ABHD5: variants seen among roughly 807,000 people sequenced by gnomAD.
ABHD5 encodes 1-acylglycerol-3-phosphate O-acyltransferase ABHD5.
A neutral mutation model predicts 44.9 loss-of-function variants in ABHD5; 30 were observed. That is an observed-to-expected ratio of 0.67 (90% CI 0.50 to 0.91). ABHD5 has a LOEUF of 0.91. ABHD5 is among the 40% of genes least tolerant of loss of function. The pLI, the probability that ABHD5 is intolerant of heterozygous loss-of-function variation, is 0.00. For missense variants in ABHD5, 399 were observed against 423.4 expected (o/e 0.94, Z 0.50); for synonymous variants, 167 against 147.0 (o/e 1.14, Z -0.99).
At position 43,717,949 on chromosome 3, in the gene ABHD5, C is replaced by T. The variant is rs146571862; in HGVS notation, c.960+92C>T. 2.8e-4 allele frequency: 437 copies of T among 1,537,084 alleles called. 1 individual carries two copies. In the African/African-American group the frequency reaches 5.3e-3, roughly 19 times the overall value. On this transcript the variant is annotated intron_variant, in intron 6 of 6. Transcript: ENST00000644371. ...GAGGTTTTAGGTCATCCTCGTGTTG[C>T]AGGTCATCTGAGCCATACCTGCAGC...
intron 1 of ABHD5, among the ~76,000 whole-genome samples, chr3:43,691,873 AAC>A (rs1294622038): frequency 6.6e-6 from 1 of 152,184 alleles, no homozygotes; most frequent in Non-Finnish European, 1.5e-5. Context: ...GCCTTAGAAG[AAC>A]ACACATAATG....
At chr3:43,695,832 A>G (rs2084467112) in intron 1 of ABHD5, among the ~76,000 whole-genome samples, 1 of 152,226 alleles carries the variant, frequency 6.6e-6, no homozygotes, top group African/African-American at 2.4e-5. Context: ...CTTAGGTAAA[A>G]TATACTCTAT....
intron 3 of ABHD5, among the ~76,000 whole-genome samples, chr3:43,705,941 A>T (rs1352906238): frequency 6.6e-6 from 1 of 152,158 alleles, no homozygotes; most frequent in African/African-American, 2.4e-5. Context: ...TACATAGATG[A>T]TCTGATAGTT....
At chr3:43,724,877 A>G (rs191986477), downstream of ABHD5, among the ~76,000 whole-genome samples, 77 of 152,294 alleles carry the variant, frequency 5.1e-4, no homozygotes, top group Non-Finnish European at 7.2e-4. Context: ...GAGAAGGACA[A>G]TTCTTCCTGT....
chr3:43,725,495 T>C (rs2084871445), downstream of ABHD5, among the ~76,000 whole-genome samples: 1 of 152,268 alleles, frequency 6.6e-6, no homozygotes, highest in Non-Finnish European at 1.5e-5. Context: ...AGGAATGTTA[T>C]TCTACCATGT....
chr3:43,690,904 C>G (rs541675995), upstream of ABHD5: 4 of 1,408,350 alleles, frequency 2.8e-6, no homozygotes, highest in East Asian at 1.2e-4. Flanking sequence ...GCGGCCTGCG[C>G]CGCCTTAAGT....
chr3:43,693,139 AT>A (rs1559408180), intron 1 of ABHD5, among the ~76,000 whole-genome samples: 1 of 152,172 alleles, frequency 6.6e-6, no homozygotes, highest in African/African-American at 2.4e-5. Context: ...TTTAGTGTCA[AT>A]TGAGTTGAGA....
At chr3:43,710,720 A>C (rs2149601803) in intron 3 of ABHD5, among the ~76,000 whole-genome samples, 1 of 152,344 alleles carries the variant, frequency 6.6e-6, no homozygotes, top group Non-Finnish European at 1.5e-5. Context: ...TTTCTGTTTC[A>C]GTTATAACTT....
chr3:43,711,700 C>A lies in ABHD5; in HGVS notation c.507-9C>A. 1 of 1,613,874 alleles carries A rather than the reference C, an allele frequency of 6.2e-7. No homozygotes were observed. Among genetic ancestry groups the A allele is most frequent in the South Asian group, 1.1e-5 (1 of 91,078 alleles). The stretch of plus-strand genomic sequence containing the variant: ...CAAATGAACTTAAATATATTCTTTC[C>A]CCCAACAGGGTTAATCATCTCATTT... On this transcript the variant is annotated splice_polypyrimidine_tract_variant and intron_variant, in intron 3 of 6. Transcript: ENST00000644371.
intron 3 of ABHD5, among the ~76,000 whole-genome samples, chr3:43,704,320 T>C (rs2084588368): frequency 6.6e-6 from 1 of 152,206 alleles, no homozygotes; most frequent in African/African-American, 2.4e-5. Context: ...ATTACAGGCA[T>C]GAGCCACCGC....
intron 7 of ABHD5, among the ~76,000 whole-genome samples, chr3:43,729,269 A>T (rs1295538029): frequency 6.6e-6 from 1 of 152,228 alleles, no homozygotes; most frequent in Non-Finnish European, 1.5e-5. Context: ...GGATGATTGG[A>T]GGACAACATC....
chr3:43,700,707 G>A (rs1299381068), intron 2 of ABHD5, among the ~76,000 whole-genome samples: 1 of 151,808 alleles, frequency 6.6e-6, no homozygotes, highest in African/African-American at 2.4e-5. Flanking sequence ...CCAAGTAGCT[G>A]GGATTACAGG....
chr3:43,717,192 CA>C (rs373935327), intron 5 of ABHD5, among the ~76,000 whole-genome samples: 3,971 of 123,116 alleles, frequency 0.032, 96 homozygotes, highest in African/African-American at 0.09. Flanking sequence ...ACAAAAAAAA[CA>C]AAAAAAAAAA....
chr3:43,730,902 CA>C (rs1455144742), intron 7 of ABHD5, among the ~76,000 whole-genome samples: 1 of 151,952 alleles, frequency 6.6e-6, no homozygotes, highest in Non-Finnish European at 1.5e-5. Flanking sequence ...AATCTTGGGT[CA>C]CTGCAACCTC....
chr3:43,694,592 CTA>C (rs2084447112), intron 1 of ABHD5, among the ~76,000 whole-genome samples: 1 of 151,926 alleles, frequency 6.6e-6, no homozygotes, highest in Non-Finnish European at 1.5e-5. Flanking sequence ...ATAAGTGACT[CTA>C]AAATGGTTTG....
intron 1 of ABHD5, among the ~76,000 whole-genome samples, chr3:43,698,963 A>T (rs758995666): frequency 1.1e-4 from 17 of 152,160 alleles, no homozygotes; most frequent in Non-Finnish European, 2.4e-4. Flanking sequence ...GCTGTCTTGC[A>T]GTGGGGAGGA....
At chr3:43,731,193 A>C (rs1490209154) in intron 7 of ABHD5, among the ~76,000 whole-genome samples, 1 of 152,160 alleles carries the variant, frequency 6.6e-6, no homozygotes, top group Non-Finnish European at 1.5e-5. Context: ...TAGTGGGAGA[A>C]AGTTCACACA....
At chr3:43,712,566 G>A (rs139247743) in intron 4 of ABHD5, among the ~76,000 whole-genome samples, 243 of 152,258 alleles carry the variant, frequency 1.6e-3, no homozygotes, top group African/African-American at 5.6e-3. Flanking sequence ...CGTACAACTT[G>A]TATGAATTTG....
intron 1 of ABHD5, 177 bp downstream of exon 1, chr3:43,691,216 C>A: frequency 1.8e-6 from 1 of 543,080 alleles, no homozygotes; most frequent in Non-Finnish European, 2.9e-6. Flanking sequence ...CGGCGCCGCT[C>A]TGCCTGGGAG....
Sources: allele counts gnomAD v4.1 joint callset (sites outside exome capture counted in the v4.1 genomes callset), GRCh38; gene constraint gnomAD v4.1.1; transcripts MANE v1.5; gene names NCBI Gene and HGNC (gene_info 2026-07-23, HGNC 2026-07-21).